SUGCT: variants seen among roughly 807,000 people sequenced by gnomAD.
SUGCT encodes the protein succinyl-CoA:glutarate-CoA transferase, also known as succinyl-CoA:glutarate CoA-transferase.
Under a neutral mutation model 55.0 loss-of-function variants are expected in SUGCT, and 41 were observed. That is an observed-to-expected ratio of 0.74 (90% CI 0.58 to 0.97). SUGCT has a LOEUF of 0.97. Among genes scored for constraint, SUGCT ranks in the 50% least tolerant of loss-of-function variants. The pLI, the probability that SUGCT is intolerant of heterozygous loss-of-function variation, is 0.00. For synonymous variants in SUGCT, 187 were observed against 200.4 expected, an observed-to-expected ratio of 0.93 and a Z score of 0.56; for missense variants, 568 against 547.8, an observed-to-expected ratio of 1.04 and a Z score of -0.37.
At chr7:40,338,326 A>G (rs548408757) in intron 9 of SUGCT, among the ~76,000 whole-genome samples, 1 of 152,262 alleles carries the variant, frequency 6.6e-6, no homozygotes, top group Non-Finnish European at 1.5e-5. Context: ...TCTCCTGGAT[A>G]ATATCCTGCA....
intron 13 of SUGCT, among the ~76,000 whole-genome samples, chr7:40,850,914 A>G (rs1457859186): frequency 1.3e-5 from 2 of 152,224 alleles, no homozygotes; most frequent in African/African-American, 4.8e-5. Flanking sequence ...TAAGGTCATC[A>G]CTGTAGCAGA....
intron 12 of SUGCT, among the ~76,000 whole-genome samples, chr7:40,643,085 A>G (rs147745946): frequency 1.3e-4 from 20 of 152,280 alleles, no homozygotes; most frequent in Non-Finnish European, 1.0e-4. Flanking sequence ...AAAGATCTGT[A>G]TTACTGGCAG....
intron 7 of SUGCT, among the ~76,000 whole-genome samples, chr7:40,269,891 C>T (rs1458573318): frequency 1.3e-5 from 2 of 152,190 alleles, no homozygotes; most frequent in Middle Eastern, 3.4e-3. Context: ...AATCCCAGCA[C>T]TTTGGGAGGC....
the SUGCT span, among the ~76,000 whole-genome samples, chr7:40,946,502 A>T: frequency 6.6e-6 from 1 of 152,180 alleles, no homozygotes; most frequent in South Asian, 2.1e-4. Flanking sequence ...AGTAGCAAGC[A>T]GCAGTAGGCT....
Position 40,496,274 on chromosome 7 carries a change from G to C in SUGCT, c.987-10G>C, listed in dbSNP as rs2151518783. On this transcript the variant is annotated splice_polypyrimidine_tract_variant and intron_variant, in intron 11 of 13. Transcript: ENST00000335693. The stretch of plus-strand genomic sequence containing the variant: ...CTGTGTAAAAAATTTATCCTTGTTT[G>C]TCTTCTTAGGTTTGAAGAAGAACTG... 2.1e-5 allele frequency: 33 copies of C among 1,593,058 alleles called. No homozygotes were observed. Among genetic ancestry groups the C allele is most frequent in the Non-Finnish European group, 2.8e-5 (33 of 1,163,802 alleles).
intron 12 of SUGCT, among the ~76,000 whole-genome samples, chr7:40,742,473 C>T (rs777159551): frequency 1.3e-5 from 2 of 152,056 alleles, no homozygotes; most frequent in Non-Finnish European, 2.9e-5. Context: ...AAACAGCGTC[C>T]AACCGAGATC....
the SUGCT span, among the ~76,000 whole-genome samples, chr7:41,028,975 T>G: frequency 6.6e-6 from 1 of 152,202 alleles, no homozygotes; most frequent in Non-Finnish European, 1.5e-5. Flanking sequence ...AGAGAAGAGC[T>G]TTAGGGAACA....
intron 12 of SUGCT, among the ~76,000 whole-genome samples, chr7:40,691,839 G>A (rs1229125063): frequency 6.6e-6 from 1 of 152,112 alleles, no homozygotes; most frequent in Non-Finnish European, 1.5e-5. Context: ...TTTGGGGAAG[G>A]AGGAATATAA....
intron 6 of SUGCT, chr7:40,217,491 A>G (rs950301058): frequency 2.3e-6 from 1 of 433,504 alleles, no homozygotes; most frequent in East Asian, 7.7e-5. Context: ...GGATTACAGG[A>G]ATGAGCCACC....
chr7:40,624,298 T>G (rs1799413418), intron 12 of SUGCT, among the ~76,000 whole-genome samples: 1 of 152,172 alleles, frequency 6.6e-6, no homozygotes, highest in Non-Finnish European at 1.5e-5. Flanking sequence ...CTGGAAATGG[T>G]TTGATAACCT....
rs374812997 is a variant in SUGCT at position 40,297,937 on chromosome 7, A to G, written c.721-18823A>G. On this transcript the variant is annotated intron_variant, in intron 8 of 13. Coordinates refer to ENST00000335693, the MANE Select transcript of SUGCT (RefSeq NM_001193313.2). ...TTAAGAATCTAAGAAGACACATGATATTGTTTTCCTCCTTCTGTTTTTTAA... is the reference window on the plus strand; with the variant it reads ...TTAAGAATCTAAGAAGACACATGATGTTGTTTTCCTCCTTCTGTTTTTTAA... Among the ~76,000 whole-genome samples the G allele has an allele frequency of 2.0e-5, 3 of 152,112 alleles. No homozygotes were observed. The South Asian group carries it at 6.2e-4, about 32-fold the overall frequency.
intron 12 of SUGCT, among the ~76,000 whole-genome samples, chr7:40,663,834 T>C (rs1222073991): frequency 6.6e-6 from 1 of 152,226 alleles, no homozygotes; most frequent in Admixed American, 6.5e-5. Flanking sequence ...TGCAAATTCT[T>C]GATTTCCACC....
chr7:40,453,722 C>T (rs1789319230), intron 10 of SUGCT, among the ~76,000 whole-genome samples: 1 of 152,190 alleles, frequency 6.6e-6, no homozygotes, highest in African/African-American at 2.4e-5. Context: ...AGAATTTAAA[C>T]AAGACCCAGT....
At chr7:40,921,298 A>G in the SUGCT span, among the ~76,000 whole-genome samples, 12 of 152,322 alleles carry the variant, frequency 7.9e-5, no homozygotes, top group South Asian at 4.1e-4. Context: ...TGTGGACTAT[A>G]GGGGCCTTTT....
chr7:40,365,606 T>C (rs1458271879), intron 9 of SUGCT, among the ~76,000 whole-genome samples: 3 of 151,920 alleles, frequency 2.0e-5, no homozygotes, highest in Admixed American at 1.3e-4. Flanking sequence ...ACAAGCATTC[T>C]TATACACCAA....
At chr7:40,502,852 T>C (rs1462540353) in intron 12 of SUGCT, among the ~76,000 whole-genome samples, 1 of 152,166 alleles carries the variant, frequency 6.6e-6, no homozygotes, top group Admixed American at 6.5e-5. Flanking sequence ...AAATTTAACA[T>C]ATAATTTTAG....
intron 12 of SUGCT, among the ~76,000 whole-genome samples, chr7:40,680,732 G>A (rs1463267276): frequency 6.6e-6 from 1 of 152,068 alleles, no homozygotes; most frequent in South Asian, 2.1e-4. Context: ...CATTTTCTAT[G>A]CTCCCTTTGA....
chr7:40,910,165 A>C, the SUGCT span, among the ~76,000 whole-genome samples: 2 of 151,784 alleles, frequency 1.3e-5, no homozygotes, highest in Non-Finnish European at 2.9e-5. Flanking sequence ...CACACAAAGA[A>C]GGATTCTCTG....
chr7:40,616,110 A>G (rs1206583254), intron 12 of SUGCT, among the ~76,000 whole-genome samples: 1 of 152,168 alleles, frequency 6.6e-6, no homozygotes, highest in Non-Finnish European at 1.5e-5. Context: ...TTGAATGACT[A>G]TTATGTGCCA....
Sources: gnomAD v4.1 joint callset for allele counts (sites outside exome capture counted in the v4.1 genomes callset) on GRCh38, gnomAD v4.1.1 for gene constraint, MANE v1.5 for transcripts, NCBI Gene and HGNC (gene_info 2026-07-23, HGNC 2026-07-21) for gene names.